Variants in SOX5 observed in about 807,000 individuals in gnomAD.
The protein encoded by SOX5 is SRY-box transcription factor 5, also known as transcription factor SOX-5.
In SOX5, 9 loss-of-function variants were observed where a neutral mutation model predicts 92.0. The ratio of observed to expected loss-of-function variants is 0.10; its 90% CI spans 0.06 to 0.17. The LOEUF is 0.17. Ranked by LOEUF, SOX5 falls within the 10% of genes least tolerant of loss-of-function variation. SOX5 has a pLI of 1.00. For synonymous variants in SOX5, 344 were observed against 336.3 expected, an observed-to-expected ratio of 1.02 and a Z score of -0.25; for missense variants, 642 against 944.5, an observed-to-expected ratio of 0.68 and a Z score of 4.20.
At chr12:23,556,406 A>T (rs931855723) in intron 11 of SOX5, among the ~76,000 whole-genome samples, 1 of 152,214 alleles carries the variant, frequency 6.6e-6, no homozygotes, top group African/African-American at 2.4e-5. Flanking sequence ...TAGAGATTAA[A>T]AAATAATATA....
At chr12:24,245,884 T>C (rs1167974536) in intron 3 of SOX5, among the ~76,000 whole-genome samples, 3 of 152,146 alleles carry the variant, frequency 2.0e-5, no homozygotes, top group Non-Finnish European at 4.4e-5. Context: ...AACTTGTTAG[T>C]GATAAAGAGA....
At chr12:23,603,815 G>GA (rs1462207618) in intron 9 of SOX5, 3 of 152,038 alleles carry the variant, frequency 2.0e-5, no homozygotes, top group Admixed American at 6.6e-5. Flanking sequence ...TTCCTTACAT[G>GA]ATAATCTCAT....
rs142313978 is a variant in SOX5, at chr12:24,294,836, C to T, written c.-173-17524G>A. 7.7e-4 allele frequency among the ~76,000 whole-genome samples: 117 copies of T among 152,282 alleles called. 2 individuals carry two copies. In the East Asian group the frequency reaches 0.014, roughly 18 times the overall value. The stretch of plus-strand genomic sequence containing the variant: ...AGTGGCCAAGTTAGGAAAATCTAAT[C>T]TACAAAAAATTGCACAATTCATCTC... On this transcript the variant is annotated intron_variant, in intron 2 of 4. Transcript: ENST00000446891.
At chr12:24,263,541 C>CA (rs528065569) in intron 3 of SOX5, among the ~76,000 whole-genome samples, 4,746 of 112,006 alleles carry the variant, frequency 0.042, 209 homozygotes, top group African/African-American at 0.1. Flanking sequence ...AAAAAAAAAA[C>CA]AAAAAAAAAA....
chr12:23,553,989 G>A (rs1406374007), intron 11 of SOX5, among the ~76,000 whole-genome samples: 2 of 152,056 alleles, frequency 1.3e-5, no homozygotes, highest in Non-Finnish European at 2.9e-5. Flanking sequence ...AAAGAGTCAT[G>A]GCTTGGTTCA....
chr12:24,242,216 T>C (rs1164878805), intron 3 of SOX5, among the ~76,000 whole-genome samples: 3 of 152,342 alleles, frequency 2.0e-5, no homozygotes, highest in Non-Finnish European at 2.9e-5. Context: ...GTTGCAGCTA[T>C]ACACTGGTTA....
chr12:23,683,922 G>A lies in SOX5; in HGVS notation c.811-18358C>T, dbSNP rs75174026. ...AGCCCATAGAGTTAAAAATATTGAA[G>A]TTAACAAAGGAAGTTAGAAAAGATG... On this transcript the variant is annotated intron_variant, in intron 6 of 14. Coordinates refer to ENST00000451604, the MANE Select transcript of SOX5 (RefSeq NM_006940.6). 9.1e-3 allele frequency among the ~76,000 whole-genome samples: 1,385 copies of A among 151,952 alleles called. 24 individuals carry two copies. The highest frequency in any genetic ancestry group is 0.032 in the African/African-American group (1,318 of 41,488).
chr12:23,938,636 C>T (rs1048099179), intron 1 of SOX5, among the ~76,000 whole-genome samples: 2 of 150,866 alleles, frequency 1.3e-5, no homozygotes, highest in Admixed American at 6.6e-5. Context: ...AAATTCATTA[C>T]TCAAATACTT....
intron 5 of SOX5, chr12:23,738,634 T>A (rs533465758): frequency 6.6e-6 from 1 of 152,286 alleles, no homozygotes; most frequent in African/African-American, 2.4e-5. Flanking sequence ...TGGGCTAGAA[T>A]GTGAAAGAGA....
chr12:24,002,219 T>A (rs961566539), intron 4 of SOX5, among the ~76,000 whole-genome samples: 4 of 151,666 alleles, frequency 2.6e-5, no homozygotes, highest in Non-Finnish European at 5.9e-5. Flanking sequence ...AGAGTGGAAA[T>A]CAGCAAAATA....
At chr12:24,326,532 T>C (rs577654006) in intron 2 of SOX5, among the ~76,000 whole-genome samples, 1 of 152,196 alleles carries the variant, frequency 6.6e-6, no homozygotes, top group African/African-American at 2.4e-5. Context: ...AGTTGGTGAG[T>C]AAATATTTTT....
chr12:23,706,410 T>C (rs1274774432), intron 6 of SOX5, among the ~76,000 whole-genome samples: 2 of 152,092 alleles, frequency 1.3e-5, no homozygotes, highest in Non-Finnish European at 2.9e-5. Context: ...GATAAATTCT[T>C]ACAGGATTGG....
In SOX5 at chr12:23,896,249, C is replaced by T. The variant is rs1232407679; in HGVS notation, c.39-225G>A. Among the ~76,000 whole-genome samples the T allele has an allele frequency of 3.9e-5, 6 of 152,294 alleles. No homozygotes were observed. In the East Asian group the frequency reaches 1.2e-3, roughly 29 times the overall value. Reference sequence around the variant, plus strand: ...GTGAGAATAATACACTAATATAGCACTCTCTTGTATTCTGGCTTCTTAAAC... The same window carrying T: ...GTGAGAATAATACACTAATATAGCATTCTCTTGTATTCTGGCTTCTTAAAC... On this transcript the variant is annotated intron_variant, in intron 1 of 14. Transcript: ENST00000451604.
intron 4 of SOX5, among the ~76,000 whole-genome samples, chr12:23,976,528 C>T (rs1049605786): frequency 6.6e-6 from 1 of 150,618 alleles, no homozygotes; most frequent in Non-Finnish European, 1.5e-5. Flanking sequence ...AGTTATTTTA[C>T]TAAAAACTAA....
intron 4 of SOX5, among the ~76,000 whole-genome samples, chr12:23,754,273 TC>T (rs2094291285): frequency 6.6e-6 from 1 of 151,794 alleles, no homozygotes; most frequent in Non-Finnish European, 1.5e-5. Flanking sequence ...AAGGCAGTCT[TC>T]GCTGCTCTAC....
At chr12:24,103,338 A>C (rs564583833) in intron 4 of SOX5, among the ~76,000 whole-genome samples, 2 of 137,664 alleles carry the variant, frequency 1.5e-5, no homozygotes, top group African/African-American at 5.2e-5. Context: ...TTTAATAGTA[A>C]TTCTTTTCTC....
At position 23,550,297 on chromosome 12, in the gene SOX5, A is replaced by C. The variant is rs978949021; in HGVS notation, c.1489-3873T>G. On this transcript the variant is annotated intron_variant, in intron 11 of 14. Coordinates refer to ENST00000451604, the MANE Select transcript of SOX5 (RefSeq NM_006940.6). ...TGAGTTTTGGCATCAGGAATATCAT[A>C]TTTTAATCAAACTCTCTGCCGTATA... Among the ~76,000 whole-genome samples, 8 of 151,912 alleles carry C rather than the reference A, an allele frequency of 5.3e-5. No individual in the cohort carries two copies. In the East Asian group the frequency reaches 9.7e-4, roughly 18 times the overall value.
chr12:24,002,882 C>A (rs1419194678), intron 4 of SOX5, among the ~76,000 whole-genome samples: 1 of 123,232 alleles, frequency 8.1e-6, no homozygotes, highest in East Asian at 3.8e-4. Flanking sequence ...GAAAAGAAAA[C>A]TACATTACAA....
chr12:24,521,826 T>A (rs1452816718), intron 1 of SOX5, among the ~76,000 whole-genome samples: 3 of 150,554 alleles, frequency 2.0e-5, no homozygotes, highest in Non-Finnish European at 3.0e-5. Flanking sequence ...AACAGAAAAG[T>A]CTGTGGCAAC....
Sources: allele counts gnomAD v4.1 joint callset (sites outside exome capture counted in the v4.1 genomes callset), GRCh38; gene constraint gnomAD v4.1.1; transcripts MANE v1.5; gene names NCBI Gene and HGNC (gene_info 2026-07-23, HGNC 2026-07-21).